HECTD4: variants seen among roughly 807,000 people sequenced by gnomAD.
HECTD4 encodes HECT domain E3 ubiquitin protein ligase 4.
In HECTD4, 114 loss-of-function variants were observed where a neutral mutation model predicts 471.5. That is an observed-to-expected ratio of 0.24 (90% CI 0.21 to 0.28). The LOEUF is 0.28. HECTD4 is among the 10% of genes least tolerant of loss of function. HECTD4 has a pLI of 1.00. For synonymous variants in HECTD4, 2,012 were observed against 2,256.0 expected, an observed-to-expected ratio of 0.89 and a Z score of 3.07; for missense variants, 3,866 against 5,651.5, an observed-to-expected ratio of 0.68 and a Z score of 10.13.
chr12:112,338,231 TC>T (rs1177601364), intron 1 of HECTD4, among the ~76,000 whole-genome samples: 1 of 152,222 alleles, frequency 6.6e-6, no homozygotes, highest in African/African-American at 2.4e-5. Flanking sequence ...TCTGCCTCTG[TC>T]TTATGTAGAC....
intron 1 of HECTD4, among the ~76,000 whole-genome samples, chr12:112,331,798 G>A (rs1010366169): frequency 6.6e-6 from 1 of 152,152 alleles, no homozygotes; most frequent in African/African-American, 2.4e-5. Flanking sequence ...AGCCAACACT[G>A]TTTTCAAAAG....
At chr12:112,312,995 A>T (rs1042832601) in intron 4 of HECTD4, 22 bp downstream of exon 4, 1 of 1,532,564 alleles carries the variant, frequency 6.5e-7, no homozygotes, top group Admixed American at 2.0e-5. Context: ...TATTAATCAC[A>T]GGACAAAAAC....
At chr12:112,311,206 G>C in intron 4 of HECTD4, among the ~76,000 whole-genome samples, 1 of 151,682 alleles carries the variant, frequency 6.6e-6, no homozygotes, top group Non-Finnish European at 1.5e-5. Flanking sequence ...AGGTTGCAGT[G>C]AGCCAAGATC....
chr12:112,301,042 G>A (rs969634331), intron 7 of HECTD4, among the ~76,000 whole-genome samples: 5 of 150,740 alleles, frequency 3.3e-5, no homozygotes, highest in African/African-American at 9.8e-5. Context: ...CTGCCACCAT[G>A]CCCGGCTAAT....
intron 1 of HECTD4, among the ~76,000 whole-genome samples, chr12:112,360,739 T>C (rs1188890358): frequency 6.6e-6 from 1 of 152,070 alleles, no homozygotes; most frequent in Admixed American, 6.5e-5. Flanking sequence ...ATTCCAGCAC[T>C]TTGGGAGGCT....
At chr12:112,233,626 C>T (rs1027853310) in intron 37 of HECTD4, among the ~76,000 whole-genome samples, 5 of 152,054 alleles carry the variant, frequency 3.3e-5, no homozygotes, top group African/African-American at 7.2e-5. Context: ...AAAACAACAG[C>T]GTTTTTAGAG....
At chr12:112,236,129 A>G (rs1410099474) in intron 35 of HECTD4, among the ~76,000 whole-genome samples, 1 of 152,214 alleles carries the variant, frequency 6.6e-6, no homozygotes, top group South Asian at 2.1e-4. Context: ...GAAAAAAGAC[A>G]TACAAATTTA....
intron 55 of HECTD4, 88 bp from the exon 56 acceptor site, chr12:112,195,154 G>T: frequency 8.4e-7 from 1 of 1,191,304 alleles, no homozygotes; most frequent in Non-Finnish European, 1.2e-6. Flanking sequence ...GAAGGAAAAG[G>T]ATCCTGCCTC....
chr12:112,252,915 T>G (rs991214354), intron 22 of HECTD4, among the ~76,000 whole-genome samples: 1 of 151,384 alleles, frequency 6.6e-6, no homozygotes, highest in Non-Finnish European at 1.5e-5. Flanking sequence ...GCTCAAGCAA[T>G]CCTCCCACTT....
At chr12:112,287,007 C>G (rs1396471480) in intron 7 of HECTD4, among the ~76,000 whole-genome samples, 1 of 152,150 alleles carries the variant, frequency 6.6e-6, no homozygotes, top group Non-Finnish European at 1.5e-5. Flanking sequence ...CCGAAAGTTC[C>G]ATGTCATGAG....
chr12:112,192,932 T>TA lies in HECTD4; in HGVS notation c.9086+128dup. 5.5e-6 allele frequency: 7 copies of TA among 1,281,304 alleles called. No individual in the cohort carries two copies. In the South Asian group the frequency reaches 1.0e-4, roughly 19 times the overall value. 79.4% of individuals were successfully genotyped at this position (1,281,304 alleles called of 1,614,324 possible). On this transcript the variant is annotated intron_variant, in intron 58 of 75. Coordinates refer to ENST00000682272, the MANE Select transcript of HECTD4 (RefSeq NM_001388303.1). ...TAGACTAATTCCCCAAACATAGAAA[T>TA]ATGGAGAGAATTGTAAGTCATTTGC...
intron 2 of HECTD4, 85 bp from the exon 3 acceptor site, chr12:112,314,631 T>C (rs932937723): frequency 1.8e-5 from 14 of 789,590 alleles, no homozygotes; most frequent in Non-Finnish European, 2.5e-5. Flanking sequence ...ATTAACCACA[T>C]GGAAAAGTTC....
rs1281629445 is a variant in HECTD4 at position 112,239,137 on chromosome 12, C to A, written c.5205G>T (p.Gln1735His). The A allele has an allele frequency of 6.2e-7, 1 of 1,613,972 alleles. No homozygotes were observed. Among genetic ancestry groups the A allele is most frequent in the East Asian group, 2.2e-5 (1 of 44,884 alleles). Reference sequence around the variant, plus strand: ...TGGTGGCCACCTTCTGCTTCTTGGTCTGTTTCTCACTGGAGCTGGACTCGG... The same window carrying A: ...TGGTGGCCACCTTCTGCTTCTTGGTATGTTTCTCACTGGAGCTGGACTCGG... ...NQTESSSSEK[Q>H]TKKQKVATMA... Residue 1735 changes from glutamine to histidine, a missense_variant, in exon 34 of 76, where the codon CAG (glutamine) becomes CAT (histidine). Transcript: ENST00000682272. The surrounding 1 kb of genome is among the most constrained non-coding windows in gnomAD (Gnocchi z 4.9).
intron 1 of HECTD4, among the ~76,000 whole-genome samples, chr12:112,352,905 C>T (rs1485168258): frequency 6.6e-6 from 1 of 152,164 alleles, no homozygotes; most frequent in African/African-American, 2.4e-5. Flanking sequence ...CCACAACCAG[C>T]CCAACATAAG....
At chr12:112,377,317 C>T (rs1304000701) in intron 1 of HECTD4, among the ~76,000 whole-genome samples, 2 of 151,942 alleles carry the variant, frequency 1.3e-5, no homozygotes, top group Non-Finnish European at 2.9e-5. Context: ...CTTTCCAATG[C>T]TCTCCATCTC....
At chr12:112,305,583 T>A (rs975676649) in intron 7 of HECTD4, among the ~76,000 whole-genome samples, 2 of 152,130 alleles carry the variant, frequency 1.3e-5, no homozygotes, top group African/African-American at 4.8e-5. Flanking sequence ...TGAATACACA[T>A]CACATTTGGG....
intron 7 of HECTD4, among the ~76,000 whole-genome samples, chr12:112,298,119 G>A (rs535600606): frequency 2.6e-5 from 4 of 152,288 alleles, no homozygotes; most frequent in African/African-American, 9.6e-5. Flanking sequence ...AATGGAAGGA[G>A]AGGAGGCAAA....
chr12:112,170,491 T>G (rs770554535), intron 68 of HECTD4, 39 bp from the exon 69 acceptor site: 62 of 1,606,314 alleles, frequency 3.9e-5, no homozygotes, highest in Non-Finnish European at 5.1e-5. Flanking sequence ...GGTGGGGCTT[T>G]GTCCCTTCCT....
In HECTD4 at chr12:112,194,043, A is replaced by G. The variant is rs533426052; in HGVS notation, c.8750-369T>C. On this transcript the variant is annotated intron_variant, in intron 56 of 75. Transcript: ENST00000682272. The surrounding 1 kb of genome is among the most constrained non-coding windows in gnomAD (Gnocchi z 4.6). ...ACCCCCGCAGGGTACCTTAGGGCAC[A>G]GCCTGTAGAGAAACTTGTTAGATCA... 1.3e-5 allele frequency among the ~76,000 whole-genome samples: 2 copies of G among 152,344 alleles called. No homozygotes were observed. The highest frequency in any genetic ancestry group is 4.8e-5 in the African/African-American group (2 of 41,584).
Sources: allele counts gnomAD v4.1 joint callset (sites outside exome capture counted in the v4.1 genomes callset), GRCh38; gene constraint gnomAD v4.1.1; non-coding constraint Gnocchi (gnomAD v3.1); transcripts MANE v1.5; gene names NCBI Gene and HGNC (gene_info 2026-07-23, HGNC 2026-07-21).